ASTN2: variants seen among roughly 807,000 people sequenced by gnomAD.
The protein encoded by ASTN2 is astrotactin 2, also known as astrotactin-2.
In ASTN2, 54 loss-of-function variants were observed where a neutral mutation model predicts 139.8. The observed-to-expected ratio is 0.39, with a 90% CI of 0.31 to 0.48. The LOEUF (loss-of-function observed/expected upper bound fraction) is 0.48, where lower values mean the gene tolerates loss of function less well. Among genes scored for constraint, ASTN2 ranks in the 20% least tolerant of loss-of-function variants. The pLI, the probability that ASTN2 is intolerant of heterozygous loss-of-function variation, is 0.95. For missense variants in ASTN2, 1,565 were observed against 1,725.1 expected, an observed-to-expected ratio of 0.91 and a Z score of 1.64; for synonymous variants, 756 against 719.5, an observed-to-expected ratio of 1.05 and a Z score of -0.81.
intron 3 of ASTN2, among the ~76,000 whole-genome samples, chr9:117,150,868 G>A (rs776927761): frequency 6.6e-5 from 10 of 151,944 alleles, no homozygotes; most frequent in Non-Finnish European, 1.3e-4. Context: ...GGATAATTTT[G>A]TTTTTAAAAT....
At chr9:117,244,576 A>ACAGT (rs1275545899) in intron 2 of ASTN2, among the ~76,000 whole-genome samples, 4 of 2,698 alleles carry the variant, frequency 1.5e-3, no homozygotes, top group African/African-American at 2.6e-3. Flanking sequence ...GAAGGAAGGG[A>ACAGT]GGGAGGGAGG....
chr9:116,830,230 A>C (rs558682659), intron 11 of ASTN2, among the ~76,000 whole-genome samples: 3 of 152,310 alleles, frequency 2.0e-5, no homozygotes, highest in African/African-American at 7.2e-5. Flanking sequence ...CATATGAAAA[A>C]ATGTTCAACA....
At chr9:117,408,146 GA>G (rs770454584) in intron 1 of ASTN2, among the ~76,000 whole-genome samples, 1 of 131,752 alleles carries the variant, frequency 7.6e-6, no homozygotes. Context: ...TTTCCTTGTA[GA>G]TTTTTTTTTT....
intron 5 of ASTN2, among the ~76,000 whole-genome samples, chr9:117,082,836 A>G (rs1828463880): frequency 2.0e-5 from 3 of 152,112 alleles, no homozygotes; most frequent in South Asian, 2.1e-4. Flanking sequence ...AACACCCTTC[A>G]TAGACTCGTC....
chr9:116,738,478 GAA>G (rs796987477), intron 13 of ASTN2, among the ~76,000 whole-genome samples: 3 of 136,042 alleles, frequency 2.2e-5, no homozygotes, highest in Non-Finnish European at 3.2e-5. Context: ...CATCTCAGAA[GAA>G]AAAAAAAAAA....
chr9:116,846,914 C>T (rs544294032), intron 11 of ASTN2, among the ~76,000 whole-genome samples: 2 of 147,972 alleles, frequency 1.4e-5, no homozygotes, highest in Admixed American at 6.9e-5. Context: ...GTGGCAGTCG[C>T]GAAGCCTTCT....
At chr9:116,524,498 G>A (rs962267539) in intron 19 of ASTN2, among the ~76,000 whole-genome samples, 3 of 152,164 alleles carry the variant, frequency 2.0e-5, no homozygotes, top group Admixed American at 2.0e-4. Flanking sequence ...GTAATGGAAA[G>A]AGCTCTATAT....
intron 10 of ASTN2, among the ~76,000 whole-genome samples, chr9:116,967,018 T>A (rs187082421): frequency 2.4e-4 from 36 of 152,342 alleles, no homozygotes; most frequent in African/African-American, 8.4e-4. Context: ...TGACATTGCA[T>A]GAATGACTTA....
intron 5 of ASTN2, among the ~76,000 whole-genome samples, chr9:117,064,971 G>C (rs551609721): frequency 2.8e-4 from 42 of 152,028 alleles, no homozygotes; most frequent in Admixed American, 1.3e-3. Flanking sequence ...TGGAAAAAAG[G>C]GTCTTTGCAG....
At chr9:117,197,038 T>C (rs1355350252) in intron 3 of ASTN2, 1 of 152,212 alleles carries the variant, frequency 6.6e-6, no homozygotes, top group Non-Finnish European at 1.5e-5. Context: ...ATTCTCATGC[T>C]TTACAAGAAT....
At chr9:116,828,128 C>T (rs1458176411) in intron 11 of ASTN2, among the ~76,000 whole-genome samples, 3 of 151,928 alleles carry the variant, frequency 2.0e-5, no homozygotes, top group African/African-American at 7.3e-5. Context: ...AACCCTGTCT[C>T]TACTAAAAAT....
At position 117,039,958 on chromosome 9, in the gene ASTN2, C is replaced by T. The variant is rs138130190; in HGVS notation, c.1284G>A (p.Leu428=). 6.2e-7 allele frequency: 1 copy of T among 1,610,620 alleles called. No individual in the cohort carries two copies. Among genetic ancestry groups the T allele is most frequent in the East Asian group, 2.2e-5 (1 of 44,670 alleles). The change falls in exon 6 of 23, where the codon CTG becomes CTA. Residue 428 remains leucine, a synonymous_variant. Coordinates refer to ENST00000313400, the MANE Select transcript of ASTN2 (RefSeq NM_001365068.1). ...GGGCTGTCTTGTTCACTGGGCTTTTCAGCAAACCTGGTAACAAGAACATAC... is the reference window on the plus strand; with the variant it reads ...GGGCTGTCTTGTTCACTGGGCTTTTTAGCAAACCTGGTAACAAGAACATAC... The part of the protein sequence containing the change: ...YRSRRRSKGL[L]KSPVNKTALT...
chr9:117,079,630 T>C (rs1297574842), intron 5 of ASTN2, among the ~76,000 whole-genome samples: 1 of 150,126 alleles, frequency 6.7e-6, no homozygotes, highest in African/African-American at 2.5e-5. Context: ...TTGATTTTTC[T>C]TTCTCTTTCT....
At chr9:116,881,563 G>A (rs1050723603) in intron 10 of ASTN2, among the ~76,000 whole-genome samples, 1 of 152,204 alleles carries the variant, frequency 6.6e-6, no homozygotes, top group African/African-American at 2.4e-5. Context: ...GCCACTTAAA[G>A]CACCACATGC....
intron 5 of ASTN2, among the ~76,000 whole-genome samples, chr9:117,045,995 T>TACGTACGTACGTACGTAC (rs1402092655): frequency 1.6e-5 from 2 of 122,760 alleles, no homozygotes; most frequent in African/African-American, 3.4e-5. Context: ...TACGTACGTA[T>TACGTACGTACGTACGTAC]GTATGTATGT....
At chr9:117,320,930 G>A (rs188617591) in intron 1 of ASTN2, among the ~76,000 whole-genome samples, 2 of 152,324 alleles carry the variant, frequency 1.3e-5, no homozygotes, top group African/African-American at 2.4e-5. Context: ...AACCTGCAGA[G>A]GCATCTTGGG....
chr9:117,364,986 CACACACACACACAA>C (rs1237531560), intron 1 of ASTN2, among the ~76,000 whole-genome samples: 18 of 146,852 alleles, frequency 1.2e-4, no homozygotes, highest in East Asian at 6.4e-4. Context: ...CACACACACA[CACACACACACACAA>C]AATCAGCCAT....
At chr9:116,510,535 GAAGA>G (rs1231262592) in intron 19 of ASTN2, among the ~76,000 whole-genome samples, 1 of 152,134 alleles carries the variant, frequency 6.6e-6, no homozygotes, top group East Asian at 1.9e-4. Flanking sequence ...CCAATTCTGT[GAAGA>G]AAGGCATTGG....
intron 1 of ASTN2, among the ~76,000 whole-genome samples, chr9:117,293,855 A>T (rs557375219): frequency 1.6e-4 from 24 of 152,260 alleles, no homozygotes; most frequent in Non-Finnish European, 2.9e-4. Context: ...TAGAAATAGC[A>T]GTGTCTAATT....
Sources: allele counts gnomAD v4.1 joint callset (sites outside exome capture counted in the v4.1 genomes callset), GRCh38; gene constraint gnomAD v4.1.1; transcripts MANE v1.5; gene names NCBI Gene and HGNC (gene_info 2026-07-23, HGNC 2026-07-21).